Variants in NKAIN3 observed in about 807,000 individuals in gnomAD.
NKAIN3 encodes the protein sodium/potassium-transporting ATPase subunit beta-1-interacting protein 3.
Under a neutral mutation model 30.2 loss-of-function variants are expected in NKAIN3, and 25 were observed. That is an observed-to-expected ratio of 0.83 (90% CI 0.60 to 1.16). The LOEUF is 1.16. Ranked by LOEUF, NKAIN3 falls within the 50% of genes most tolerant of loss-of-function variation. NKAIN3 has a pLI of 0.00. For missense variants in NKAIN3, 225 were observed against 254.1 expected, an observed-to-expected ratio of 0.89 and a Z score of 0.78; for synonymous variants, 91 against 89.6, an observed-to-expected ratio of 1.02 and a Z score of -0.09.
intron 4 of NKAIN3, among the ~76,000 whole-genome samples, chr8:62,896,325 C>T (rs996645996): frequency 4.6e-5 from 7 of 152,114 alleles, no homozygotes; most frequent in Non-Finnish European, 1.0e-4. Context: ...CCAAAAGCAT[C>T]ACCTCCTAAT....
intron 1 of NKAIN3, among the ~76,000 whole-genome samples, chr8:62,386,521 T>A (rs1377902487): frequency 6.6e-6 from 1 of 152,194 alleles, no homozygotes; most frequent in African/African-American, 2.4e-5. Flanking sequence ...TGCAAGTTAA[T>A]TATTTGATTT....
chr8:62,337,271 G>T (rs2351949), intron 1 of NKAIN3, among the ~76,000 whole-genome samples: 139,701 of 152,100 alleles, frequency 0.92, 64,221 homozygotes, highest in East Asian at 1. Flanking sequence ...GGAAGAGAGA[G>T]AAATCCTTAC....
chr8:62,803,653 G>T (rs1017706131), intron 4 of NKAIN3, among the ~76,000 whole-genome samples: 24 of 152,088 alleles, frequency 1.6e-4, no homozygotes, highest in African/African-American at 5.3e-4. Flanking sequence ...ATGCCTGCAA[G>T]AGAAAGCAGG....
At chr8:62,857,165 G>A (rs1003658353) in intron 4 of NKAIN3, 3 of 327,812 alleles carry the variant, frequency 9.2e-6, no homozygotes, top group Non-Finnish European at 1.2e-5. Flanking sequence ...TGAATATAGG[G>A]CCCCAATCTC....
At chr8:62,567,338 A>G (rs1809789400) in intron 1 of NKAIN3, among the ~76,000 whole-genome samples, 1 of 152,170 alleles carries the variant, frequency 6.6e-6, no homozygotes, top group Non-Finnish European at 1.5e-5. Context: ...ACTAGCAGGC[A>G]GGGTACCATT....
intron 1 of NKAIN3, among the ~76,000 whole-genome samples, chr8:62,391,333 A>G (rs13259903): frequency 6.6e-6 from 1 of 152,116 alleles, no homozygotes; most frequent in South Asian, 2.1e-4. Flanking sequence ...TTTATTTGAA[A>G]CAGTCCTTTA....
In NKAIN3 at chr8:62,816,109, A is replaced by G. The variant is rs149507413; in HGVS notation, c.471+68980A>G. On this transcript the variant is annotated intron_variant, in intron 4 of 6. Transcript: ENST00000623646. ...GTTTCCTTGCTTTTTAATATTTCCT[A>G]TGTCCCTACATTGACGTTTGTGCAT... 5.3e-5 allele frequency among the ~76,000 whole-genome samples: 8 copies of G among 152,062 alleles called. No homozygotes were observed. In the East Asian group the frequency reaches 1.4e-3, roughly 26 times the overall value.
chr8:62,297,954 A>C (rs1169445723), intron 1 of NKAIN3, among the ~76,000 whole-genome samples: 1 of 152,166 alleles, frequency 6.6e-6, no homozygotes, highest in Non-Finnish European at 1.5e-5. Flanking sequence ...CTGGGTTAAG[A>C]AAATGTGGCA....
chr8:62,624,798 T>C (rs540769064), intron 3 of NKAIN3, among the ~76,000 whole-genome samples: 58 of 151,256 alleles, frequency 3.8e-4, no homozygotes, highest in African/African-American at 1.3e-3. Flanking sequence ...TTTTTTTTTT[T>C]CCATCTTTTC....
chr8:62,751,358 A>G (rs995889343), intron 4 of NKAIN3, among the ~76,000 whole-genome samples: 2 of 152,346 alleles, frequency 1.3e-5, no homozygotes, highest in African/African-American at 4.8e-5. Flanking sequence ...AAATGTATAC[A>G]TTAAAACCTC....
chr8:62,429,318 G>C (rs1220233714), intron 1 of NKAIN3, among the ~76,000 whole-genome samples: 1 of 151,880 alleles, frequency 6.6e-6, no homozygotes, highest in Non-Finnish European at 1.5e-5. Flanking sequence ...TTATCATGAA[G>C]TGTGTTGAAT....
chr8:62,641,032 G>T (rs149512877), intron 3 of NKAIN3, among the ~76,000 whole-genome samples: 35 of 150,832 alleles, frequency 2.3e-4, no homozygotes, highest in Non-Finnish European at 4.4e-4. Context: ...TTAGTCCCTT[G>T]CTTCTCAAAG....
chr8:62,503,989 A>G (rs2129695982), intron 1 of NKAIN3, among the ~76,000 whole-genome samples: 1 of 152,322 alleles, frequency 6.6e-6, no homozygotes, highest in East Asian at 1.9e-4. Flanking sequence ...GCAAGAAATT[A>G]TAAGAGTATT....
intron 4 of NKAIN3, among the ~76,000 whole-genome samples, chr8:62,784,764 C>G (rs1817462763): frequency 6.6e-6 from 1 of 152,034 alleles, no homozygotes; most frequent in African/African-American, 2.4e-5. Flanking sequence ...TTCTGTTGGG[C>G]TGGTATTACT....
At chr8:62,831,656 C>G (rs575944607) in intron 4 of NKAIN3, among the ~76,000 whole-genome samples, 1 of 152,078 alleles carries the variant, frequency 6.6e-6, no homozygotes, top group African/African-American at 2.4e-5. Flanking sequence ...GTCTTTCAAA[C>G]TAACCCAGTT....
chr8:62,435,403 A>T (rs1805137430), intron 1 of NKAIN3, among the ~76,000 whole-genome samples: 1 of 152,130 alleles, frequency 6.6e-6, no homozygotes, highest in Non-Finnish European at 1.5e-5. Flanking sequence ...CAGAATTAGT[A>T]TGTGGAGCCA....
chr8:62,545,131 G>C (rs1463987014), intron 1 of NKAIN3, among the ~76,000 whole-genome samples: 1 of 151,882 alleles, frequency 6.6e-6, no homozygotes, highest in Non-Finnish European at 1.5e-5. Context: ...GTTGTTTAAG[G>C]GTCAGCTATA....
At chr8:62,325,715 G>A (rs964436137) in intron 1 of NKAIN3, among the ~76,000 whole-genome samples, 1 of 151,938 alleles carries the variant, frequency 6.6e-6, no homozygotes, top group Non-Finnish European at 1.5e-5. Context: ...GTTTCAATTT[G>A]CATTTAATTT....
chr8:62,896,201 G>A (rs989858020), intron 4 of NKAIN3, among the ~76,000 whole-genome samples: 6 of 152,062 alleles, frequency 3.9e-5, no homozygotes, highest in Non-Finnish European at 7.4e-5. Context: ...CCTTCTGTCT[G>A]TAACCTCACA....
Sources: gnomAD v4.1 joint callset for allele counts (sites outside exome capture counted in the v4.1 genomes callset) on GRCh38, gnomAD v4.1.1 for gene constraint, MANE v1.5 for transcripts, NCBI Gene and HGNC (gene_info 2026-07-23, HGNC 2026-07-21) for gene names.